Variants in HNF4G observed in about 807,000 individuals in gnomAD.
HNF4G encodes hepatocyte nuclear factor 4 gamma.
HNF4G carries 21 observed loss-of-function variants against 50.9 expected under a neutral mutation model. The observed-to-expected ratio is 0.41, with a 90% CI of 0.29 to 0.59. HNF4G has a LOEUF of 0.59. HNF4G is among the 20% of genes least tolerant of loss of function. The pLI, the probability that HNF4G is intolerant of heterozygous loss-of-function variation, is 0.26. For missense variants in HNF4G, 527 were observed against 559.4 expected (o/e 0.94, Z 0.58); for synonymous variants, 198 against 185.6 (o/e 1.07, Z -0.54).
At chr8:75,551,354 A>T (rs749672261) in intron 3 of HNF4G, 34 bp from the exon 4 acceptor site, 2 of 1,196,102 alleles carry the variant, frequency 1.7e-6, no homozygotes, top group African/African-American at 1.5e-5. Context: ...ACTAAAGAGA[A>T]GTGCTCAATA....
intron 6 of HNF4G, among the ~76,000 whole-genome samples, chr8:75,557,914 A>G (rs1230402861): frequency 6.6e-6 from 1 of 152,160 alleles, no homozygotes; most frequent in African/African-American, 2.4e-5. Context: ...CCAGCTCGCT[A>G]CCCAATCTCT....
chr8:75,505,216 C>A (rs1813044460), intron 2 of HNF4G, among the ~76,000 whole-genome samples: 1 of 152,146 alleles, frequency 6.6e-6, no homozygotes, highest in East Asian at 1.9e-4. Context: ...AAACTCAACT[C>A]TTCTGCTAAC....
rs1367615770 is a variant in HNF4G at position 75,480,476 on chromosome 8, C to G, written c.-143-9613C>G. On this transcript the variant is annotated intron_variant, in intron 1 of 10. Transcript: ENST00000354370. Reference sequence around the variant, plus strand: ...CAAGAGTGAATGATAAAGATAATAGCTAAAGTAAAACAAAATTCAGGCGGA... The same window carrying G: ...CAAGAGTGAATGATAAAGATAATAGGTAAAGTAAAACAAAATTCAGGCGGA... 2.0e-5 allele frequency among the ~76,000 whole-genome samples: 3 copies of G among 152,056 alleles called. No individual in the cohort carries two copies. The East Asian group carries it at 5.8e-4, about 29-fold the overall frequency.
chr8:75,535,477 G>A (rs1227882659), upstream of HNF4G, among the ~76,000 whole-genome samples: 1 of 151,572 alleles, frequency 6.6e-6, no homozygotes, highest in East Asian at 1.9e-4. Flanking sequence ...AATACACTGG[G>A]TTGATTTAGA....
Position 75,564,347 on chromosome 8 carries a change from C to T in HNF4G, c.*251C>T. On this transcript the variant is annotated 3_prime_UTR_variant, in exon 10 of 10. Coordinates refer to ENST00000396423, the MANE Select transcript of HNF4G (RefSeq NM_004133.5). ...AGGGTATTTTTTCCAACTGCCCCTG[C>T]ATTGTGCCTGAACCAATTGAATCTT... The T allele has an allele frequency of 2.7e-6, 1 of 370,226 alleles. No homozygotes were observed. The highest frequency in any genetic ancestry group is 4.8e-5 in the East Asian group (1 of 20,824). 22.9% of individuals were successfully genotyped at this position (370,226 alleles called of 1,614,324 possible). A position where few individuals can be genotyped will look rare whatever the true frequency, so the allele number is the denominator to read the frequency against.
chr8:75,442,994 A>G (rs1460350346), intron 1 of HNF4G, among the ~76,000 whole-genome samples: 1 of 152,146 alleles, frequency 6.6e-6, no homozygotes, highest in Non-Finnish European at 1.5e-5. Flanking sequence ...CATGTGCTGA[A>G]ATCTTAATTC....
At chr8:75,444,252 C>T (rs1376317338) in intron 1 of HNF4G, among the ~76,000 whole-genome samples, 1 of 151,836 alleles carries the variant, frequency 6.6e-6, no homozygotes, top group East Asian at 1.9e-4. Flanking sequence ...ACCACCAAGC[C>T]TGCCCTAAAA....
At chr8:75,443,783 A>G (rs1237608692) in intron 1 of HNF4G, among the ~76,000 whole-genome samples, 1 of 152,212 alleles carries the variant, frequency 6.6e-6, no homozygotes, top group South Asian at 2.1e-4. Flanking sequence ...ATAAATCAGT[A>G]AGTTGTAATT....
chr8:75,498,170 T>C (rs1812828073), intron 2 of HNF4G, among the ~76,000 whole-genome samples: 2 of 152,150 alleles, frequency 1.3e-5, no homozygotes, highest in African/African-American at 4.8e-5. Flanking sequence ...TTATGTCTCT[T>C]CATTTTGAGG....
At chr8:75,498,705 A>G (rs1347537378) in intron 2 of HNF4G, among the ~76,000 whole-genome samples, 1 of 152,140 alleles carries the variant, frequency 6.6e-6, no homozygotes, top group East Asian at 1.9e-4. Flanking sequence ...AGGATTATCT[A>G]TCATAATCAA....
At chr8:75,559,341 T>C (rs1006125888) in intron 8 of HNF4G, among the ~76,000 whole-genome samples, 1 of 150,752 alleles carries the variant, frequency 6.6e-6, no homozygotes, top group Non-Finnish European at 1.5e-5. Context: ...TGGCACAATC[T>C]CGGCTCACTG....
At chr8:75,426,280 C>T (rs1173024321) in intron 1 of HNF4G, among the ~76,000 whole-genome samples, 1 of 152,210 alleles carries the variant, frequency 6.6e-6, no homozygotes, top group Non-Finnish European at 1.5e-5. Context: ...TTTTGTCTGT[C>T]CAGAATCACA....
At chr8:75,552,915 G>T in intron 4 of HNF4G, 127 bp from the exon 5 acceptor site, 1 of 558,250 alleles carries the variant, frequency 1.8e-6, no homozygotes, top group Non-Finnish European at 3.1e-6. Flanking sequence ...TTTAGTATTT[G>T]TCAAGATACT....
chr8:75,437,841 ATAGT>A (rs1811176726), intron 1 of HNF4G, among the ~76,000 whole-genome samples: 1 of 152,174 alleles, frequency 6.6e-6, no homozygotes, highest in Non-Finnish European at 1.5e-5. Context: ...TGATGAAAAT[ATAGT>A]TAGACAAACC....
chr8:75,538,624 A>G (rs1166503158), upstream of HNF4G, among the ~76,000 whole-genome samples: 1 of 152,186 alleles, frequency 6.6e-6, no homozygotes, highest in Non-Finnish European at 1.5e-5. Context: ...TACTTCTCTA[A>G]AAACTGAATA....
chr8:75,437,018 T>C (rs1264828660), intron 1 of HNF4G, among the ~76,000 whole-genome samples: 1 of 152,230 alleles, frequency 6.6e-6, no homozygotes, highest in Non-Finnish European at 1.5e-5. Flanking sequence ...CATTTCAGCC[T>C]GGGCTGAGCA....
chr8:75,464,236 T>TC (rs1165065330), intron 1 of HNF4G, among the ~76,000 whole-genome samples: 12 of 99,970 alleles, frequency 1.2e-4, no homozygotes, highest in Admixed American at 5.0e-4. Flanking sequence ...GGATTCTCTC[T>TC]CTTTTTTTTT....
intron 1 of HNF4G, among the ~76,000 whole-genome samples, chr8:75,476,984 GCTTGATTATCTGT>G (rs1489668654): frequency 2.0e-5 from 3 of 152,136 alleles, no homozygotes; most frequent in African/African-American, 7.2e-5. Context: ...TTAATGTAGT[GCTTGATTATCTGT>G]CTTATCTATT....
chr8:75,507,576 T>A (rs1805629837), intron 2 of HNF4G, among the ~76,000 whole-genome samples: 1 of 152,224 alleles, frequency 6.6e-6, no homozygotes, highest in Non-Finnish European at 1.5e-5. Flanking sequence ...AAAATTCTAA[T>A]TGACATAAAT....
Sources: gnomAD v4.1 joint callset for allele counts (sites outside exome capture counted in the v4.1 genomes callset) on GRCh38, gnomAD v4.1.1 for gene constraint, MANE v1.5 for transcripts, NCBI Gene and HGNC (gene_info 2026-07-23, HGNC 2026-07-21) for gene names.